The following PTGER3 variants were observed in gnomAD, a reference collection of about 807,000 sequenced individuals.
The protein encoded by PTGER3 is prostaglandin E receptor 3.
In PTGER3, 22 loss-of-function variants were observed where a neutral mutation model predicts 34.7. The observed-to-expected ratio is 0.63, with a 90% CI of 0.45 to 0.91. The LOEUF (loss-of-function observed/expected upper bound fraction) is 0.91, where lower values mean the gene tolerates loss of function less well. Ranked by LOEUF, PTGER3 falls within the 40% of genes least tolerant of loss-of-function variation. The pLI is 0.00. For synonymous variants in PTGER3, 241 were observed against 230.1 expected, an observed-to-expected ratio of 1.05 and a Z score of -0.43; for missense variants, 468 against 519.4, an observed-to-expected ratio of 0.90 and a Z score of 0.96.
chr1:70,906,717 G>A (rs1646955997), intron 4 of PTGER3, among the ~76,000 whole-genome samples: 2 of 152,084 alleles, frequency 1.3e-5, no homozygotes, highest in African/African-American at 2.4e-5. Context: ...AGTTAGTTTG[G>A]TTTTCCCCAT....
At chr1:70,927,499 A>G (rs1180561190) in intron 4 of PTGER3, among the ~76,000 whole-genome samples, 1 of 152,220 alleles carries the variant, frequency 6.6e-6, no homozygotes, top group Non-Finnish European at 1.5e-5. Flanking sequence ...ATAGCATTAT[A>G]TATTGGAGAG....
intron 2 of PTGER3, among the ~76,000 whole-genome samples, chr1:70,985,922 TCTA>T (rs1218740359): frequency 6.6e-6 from 1 of 152,152 alleles, no homozygotes; most frequent in Non-Finnish European, 1.5e-5. Context: ...AACTCTGAAA[TCTA>T]CTGGGCTGCA....
chr1:70,969,668 A>C (rs1039814889), downstream of PTGER3, among the ~76,000 whole-genome samples: 1 of 152,174 alleles, frequency 6.6e-6, no homozygotes, highest in African/African-American at 2.4e-5. Flanking sequence ...AACATGTGGG[A>C]GGTGGGTAGG....
At chr1:70,864,578 A>G (rs1402520536) in intron 4 of PTGER3, among the ~76,000 whole-genome samples, 4 of 152,232 alleles carry the variant, frequency 2.6e-5, no homozygotes, top group Non-Finnish European at 4.4e-5. Flanking sequence ...TTTGTTCCAC[A>G]TACCCTGTGT....
Position 70,902,702 on chromosome 1 carries a change from T to C in PTGER3, c.*24-49843A>G, listed in dbSNP as rs983136804. Reference sequence around the variant, plus strand: ...GCACAGGGTAGGAAAGTACAACGGATATTCAGAAAACACCAGAAAGTTCTG... The same window carrying C: ...GCACAGGGTAGGAAAGTACAACGGACATTCAGAAAACACCAGAAAGTTCTG... On this transcript the variant is annotated intron_variant, in intron 4 of 4. Coordinates refer to the PTGER3 transcript ENST00000370931. Among the ~76,000 whole-genome samples the C allele has an allele frequency of 2.6e-5, 4 of 152,298 alleles. No individual in the cohort carries two copies. In the South Asian group the frequency reaches 8.3e-4, roughly 32 times the overall value.
At chr1:71,010,837 A>G (rs1657377516) in intron 2 of PTGER3, 2 of 984,972 alleles carry the variant, frequency 2.0e-6, no homozygotes, top group Non-Finnish European at 2.4e-6. Context: ...GCTGGTGTAT[A>G]TATCAATCTG....
Position 70,996,639 on chromosome 1 carries a change from TTTTATTTATTTA to T in PTGER3, c.1077+15654_1077+15665del, listed in dbSNP as rs763272005. Among the ~76,000 whole-genome samples, 50 of 122,746 alleles carry T rather than the reference TTTTATTTATTTA, an allele frequency of 4.1e-4. 1 individual carries two copies. The highest frequency in any genetic ancestry group is 6.4e-4 in the Non-Finnish European group (38 of 58,950). 80.5% of individuals were successfully genotyped at this position (122,746 alleles called of 152,430 possible). A position where few individuals can be genotyped will look rare whatever the true frequency, so the allele number is the denominator to read the frequency against. On this transcript the variant is annotated intron_variant, in intron 2 of 3. Transcript: ENST00000306666. ...CCATGCCCGGCTAATTTTTTTGTAT[TTTTATTTATTTA>T]TTTATTTATTTATTTATTTATTTAT...
intron 4 of PTGER3, among the ~76,000 whole-genome samples, chr1:70,872,303 T>C (rs1646180064): frequency 6.6e-6 from 1 of 152,210 alleles, no homozygotes; most frequent in South Asian, 2.1e-4. Flanking sequence ...CTATTAATAG[T>C]CTACATTTTT....
At chr1:70,939,388 A>G (rs183402009) in intron 4 of PTGER3, among the ~76,000 whole-genome samples, 1 of 152,222 alleles carries the variant, frequency 6.6e-6, no homozygotes, top group Non-Finnish European at 1.5e-5. Flanking sequence ...GTGGATCTAC[A>G]GTTCTGGGGT....
intron 4 of PTGER3, among the ~76,000 whole-genome samples, chr1:70,884,594 A>T (rs1275042806): frequency 6.6e-6 from 1 of 152,228 alleles, no homozygotes; most frequent in Non-Finnish European, 1.5e-5. Flanking sequence ...ATTTCAGCCT[A>T]GTGAGACCCT....
At chr1:70,930,229 G>C (rs1435996157) in intron 4 of PTGER3, among the ~76,000 whole-genome samples, 1 of 152,202 alleles carries the variant, frequency 6.6e-6, no homozygotes, top group Non-Finnish European at 1.5e-5. Context: ...TGGGGCATGG[G>C]TAAAGCAGAC....
intron 4 of PTGER3, among the ~76,000 whole-genome samples, chr1:70,884,752 C>A (rs369926045): frequency 2.6e-5 from 4 of 152,180 alleles, no homozygotes; most frequent in African/African-American, 9.7e-5. Context: ...GTGGTCTTAT[C>A]ATGTGTGTCC....
chr1:70,979,938 T>G (rs987149185), intron 2 of PTGER3, among the ~76,000 whole-genome samples: 1 of 152,182 alleles, frequency 6.6e-6, no homozygotes, highest in Non-Finnish European at 1.5e-5. Flanking sequence ...TCAAAATATA[T>G]TCTTAAGATA....
intron 1 of PTGER3, among the ~76,000 whole-genome samples, chr1:71,030,401 A>G (rs908293736): frequency 6.6e-6 from 1 of 152,220 alleles, no homozygotes; most frequent in Admixed American, 6.5e-5. Context: ...CTGTCAAAAC[A>G]AAGTTTCTAA....
intron 4 of PTGER3, among the ~76,000 whole-genome samples, chr1:70,946,474 T>TAAACTATGGCAAGTAATAAAAC (rs1456783028): frequency 6.6e-6 from 1 of 152,180 alleles, no homozygotes; most frequent in Non-Finnish European, 1.5e-5. Context: ...CCTGCCATGT[T>TAAACTATGGCAAGTAATAAAAC]AAACTATGGC....
intron 2 of PTGER3, chr1:71,012,024 A>AT: frequency 7.1e-7 from 1 of 1,410,844 alleles, no homozygotes; most frequent in Non-Finnish European, 9.2e-7. Context: ...TTATTAATAT[A>AT]TTTTCCTTTG....
At chr1:71,009,997 C>T in intron 2 of PTGER3, 1 of 985,048 alleles carries the variant, frequency 1.0e-6, no homozygotes, top group Non-Finnish European at 1.2e-6. Context: ...AACTCATATG[C>T]CATTTACATA....
In PTGER3 at chr1:70,971,695, G is replaced by T; in HGVS notation, c.*35C>A. 1 of 1,552,226 alleles carries T rather than the reference G, an allele frequency of 6.4e-7. No homozygotes were observed. The highest frequency in any genetic ancestry group is 8.7e-7 in the Non-Finnish European group (1 of 1,149,892). Reference sequence around the variant, plus strand: ...AGAAATATGCAAATTCAGGGAAGCAGGAATTGCAATAAAATGTCCAACTCC... The same window carrying T: ...AGAAATATGCAAATTCAGGGAAGCATGAATTGCAATAAAATGTCCAACTCC... On this transcript the variant is annotated 3_prime_UTR_variant, in exon 4 of 4. Transcript: ENST00000306666.
chr1:71,009,057 G>T, intron 2 of PTGER3: 1 of 985,094 alleles, frequency 1.0e-6, no homozygotes, highest in Non-Finnish European at 1.2e-6. Flanking sequence ...TTGCTGATGT[G>T]GAGAAGGTTG....
Sources: allele counts gnomAD v4.1 joint callset (sites outside exome capture counted in the v4.1 genomes callset), GRCh38; gene constraint gnomAD v4.1.1; transcripts MANE v1.5; gene names NCBI Gene and HGNC (gene_info 2026-07-23, HGNC 2026-07-21).